Variants in KIAA0586 observed in about 807,000 individuals in gnomAD.
KIAA0586 encodes protein TALPID3.
In KIAA0586, 144 loss-of-function variants were observed where a neutral mutation model predicts 169.8. The observed-to-expected ratio is 0.85, with a 90% CI of 0.74 to 0.97. KIAA0586 has a LOEUF of 0.97. Among genes scored for constraint, KIAA0586 ranks in the 50% least tolerant of loss-of-function variants. The pLI is 0.00. For synonymous variants in KIAA0586, 625 were observed against 612.4 expected, an observed-to-expected ratio of 1.02 and a Z score of -0.30; for missense variants, 1,854 against 1,823.0, an observed-to-expected ratio of 1.02 and a Z score of -0.31.
intron 20 of KIAA0586, among the ~76,000 whole-genome samples, chr14:58,481,122 G>A (rs1237162790): frequency 6.6e-6 from 1 of 152,216 alleles, no homozygotes; most frequent in Non-Finnish European, 1.5e-5. Context: ...GGTAACTCAA[G>A]AGCAAATTGC....
intron 14 of KIAA0586, among the ~76,000 whole-genome samples, chr14:58,465,393 A>G (rs1222153245): frequency 6.6e-6 from 1 of 152,352 alleles, no homozygotes; most frequent in African/African-American, 2.4e-5. Flanking sequence ...AAAGAATTCA[A>G]ACATTGTTGG....
chr14:58,475,984 G>T (rs2041588449), intron 19 of KIAA0586, among the ~76,000 whole-genome samples: 1 of 152,154 alleles, frequency 6.6e-6, no homozygotes, highest in Non-Finnish European at 1.5e-5. Context: ...TGTGGTCCCT[G>T]CCACTCGGGA....
In KIAA0586 at chr14:58,469,172, C is replaced by T. The variant is rs2041008092; in HGVS notation, c.2442+1250C>T. On this transcript the variant is annotated intron_variant, in intron 16 of 30. Transcript: ENST00000652326. ...AATCACCCATGTAGCTCCACAAACA[C>T]TTCGTTCTCATAGATTGACTTCCAC... Among the ~76,000 whole-genome samples, 3 of 152,346 alleles carry T rather than the reference C, an allele frequency of 2.0e-5. No homozygotes were observed. The East Asian group carries it at 5.8e-4, about 29-fold the overall frequency.
At chr14:58,507,813 C>A (rs1224170011) in intron 27 of KIAA0586, among the ~76,000 whole-genome samples, 2 of 151,198 alleles carry the variant, frequency 1.3e-5, no homozygotes, top group East Asian at 3.9e-4. Context: ...GAGACGAGGT[C>A]TCATTTTGTT....
Position 58,508,693 on chromosome 14 carries a change from C to A in KIAA0586, c.4307C>A (p.Ala1436Asp). 1 of 1,587,334 alleles carries A rather than the reference C, an allele frequency of 6.3e-7. No homozygotes were observed. The highest frequency in any genetic ancestry group is 1.2e-5 in the South Asian group (1 of 86,890). ...AATGATGTTAATTTACCAGTAGCCG[C>A]TGAAGATTTTTCCCAGGTACCAAAT... is the stretch of plus-strand genomic sequence containing the variant. ...QENDVNLPVA[A>D]EDFSQYQLKQ... Residue 1436 changes from alanine (A) to aspartate (D), a missense_variant, in exon 28 of 31, where the codon GCT becomes GAT. Physicochemically the swap from Ala to Asp is moderately radical, Grantham distance 126 (BLOSUM62 -2). Transcript: ENST00000652326.
chr14:58,490,067 A>G, intron 24 of KIAA0586, 97 bp from the exon 25 acceptor site: 1 of 594,930 alleles, frequency 1.7e-6, no homozygotes, highest in Non-Finnish European at 2.8e-6. Flanking sequence ...CCATTGCAGT[A>G]TAATTTTGAA....
chr14:58,447,983 CT>C (rs1566802865), intron 6 of KIAA0586, among the ~76,000 whole-genome samples: 1 of 152,142 alleles, frequency 6.6e-6, no homozygotes, highest in Admixed American at 6.5e-5. Flanking sequence ...TTAAAATTCT[CT>C]GATTCAAGTA....
intron 27 of KIAA0586, among the ~76,000 whole-genome samples, chr14:58,505,513 A>G (rs148384418): frequency 4.9e-4 from 74 of 152,322 alleles, no homozygotes; most frequent in African/African-American, 1.7e-3. Context: ...GAGCAAATGT[A>G]TCTTTAGTTT....
intron 11 of KIAA0586, 44 bp downstream of exon 11, chr14:58,458,023 T>A: frequency 8.1e-7 from 1 of 1,239,838 alleles, no homozygotes; most frequent in Non-Finnish European, 1.1e-6. Context: ...AGTCTGTCAG[T>A]TCCACTTTCT....
At chr14:58,506,824 G>T (rs2043981517) in intron 27 of KIAA0586, among the ~76,000 whole-genome samples, 1 of 151,822 alleles carries the variant, frequency 6.6e-6, no homozygotes, top group African/African-American at 2.4e-5. Context: ...GCCTTTAAAT[G>T]GAAAATATCT....
At chr14:58,542,313 C>T (rs2046683035) in intron 30 of KIAA0586, among the ~76,000 whole-genome samples, 1 of 152,040 alleles carries the variant, frequency 6.6e-6, no homozygotes, top group Non-Finnish European at 1.5e-5. Context: ...CCCGTCTCTA[C>T]TAAAAATACA....
intron 17 of KIAA0586, among the ~76,000 whole-genome samples, chr14:58,471,578 A>G (rs2041215325): frequency 1.3e-5 from 2 of 152,312 alleles, no homozygotes; most frequent in South Asian, 2.1e-4. Flanking sequence ...GCAATCTTTC[A>G]TGATCATAAG....
At chr14:58,539,032 A>C (rs2046475912) in intron 29 of KIAA0586, among the ~76,000 whole-genome samples, 1 of 152,154 alleles carries the variant, frequency 6.6e-6, no homozygotes, top group South Asian at 2.1e-4. Context: ...CACCTGTCTC[A>C]AACTCCCGAA....
At chr14:58,499,026 A>G in intron 27 of KIAA0586, 66 bp downstream of exon 27, 2 of 1,386,562 alleles carry the variant, frequency 1.4e-6, no homozygotes, top group Middle Eastern at 1.8e-4. Flanking sequence ...TGAGGAAAGT[A>G]TACCTATTTT....
chr14:58,476,668 C>CTTTT lies in KIAA0586; in HGVS notation c.2826-441_2826-438dup, dbSNP rs10666323. 1.7e-4 allele frequency among the ~76,000 whole-genome samples: 23 copies of CTTTT among 131,610 alleles called. 1 individual carries two copies. The highest frequency in any genetic ancestry group is 2.3e-4 in the African/African-American group (8 of 35,080). The allele number at this position is 131,610 out of a possible 152,430, so 86.3% of individuals were successfully genotyped here. A position where few individuals can be genotyped will look rare whatever the true frequency, so the allele number is the denominator to read the frequency against. On this transcript the variant is annotated intron_variant, in intron 19 of 30. Transcript: ENST00000652326. ...GTGTGTTTTATCTTCTTCAGAGGTA[C>CTTTT]TTTTTTTTTTTTTTTTTGAGACAGG...
At chr14:58,514,636 AC>A (rs1194944310) in intron 29 of KIAA0586, among the ~76,000 whole-genome samples, 2 of 151,964 alleles carry the variant, frequency 1.3e-5, no homozygotes, top group Non-Finnish European at 2.9e-5. Context: ...GTTTTTTTCC[AC>A]CTTGATTATT....
intron 27 of KIAA0586, among the ~76,000 whole-genome samples, chr14:58,499,369 C>T (rs1386419546): frequency 1.3e-5 from 2 of 152,054 alleles, no homozygotes; most frequent in East Asian, 1.9e-4. Context: ...TCTCCTGCCT[C>T]AGCCTCCCGA....
At chr14:58,474,994 G>C (rs902806363) in intron 19 of KIAA0586, among the ~76,000 whole-genome samples, 197 bp downstream of exon 19, 2 of 152,174 alleles carry the variant, frequency 1.3e-5, no homozygotes, top group Admixed American at 1.3e-4. Flanking sequence ...TTGAATATTT[G>C]TACTCAATCT....
rs1595410606 is a variant in KIAA0586 at position 58,505,131 on chromosome 14, TCACACATATAATTATATG to T, written c.4169-3416_4169-3399del. On this transcript the variant is annotated intron_variant, in intron 27 of 30. Transcript: ENST00000652326. ...GCATATAACCTTCCTGTTTTTTACC[TCACACATATAATTATATG>T]CACACATGCATGTACAATATATATG... is the stretch of plus-strand genomic sequence containing the variant. Among the ~76,000 whole-genome samples the T allele has an allele frequency of 2.6e-5, 4 of 152,322 alleles. 1 individual carries two copies.
Sources: gnomAD v4.1 joint callset for allele counts (sites outside exome capture counted in the v4.1 genomes callset) on GRCh38, gnomAD v4.1.1 for gene constraint, MANE v1.5 for transcripts, NCBI Gene and HGNC (gene_info 2026-07-23, HGNC 2026-07-21) for gene names.